Variants in NAV2 observed in about 807,000 individuals in gnomAD.
NAV2 encodes helicase, APC down-regulated 1.
Under a neutral mutation model 223.2 loss-of-function variants are expected in NAV2, and 54 were observed. That is an observed-to-expected ratio of 0.24 (90% CI 0.19 to 0.30). The LOEUF (loss-of-function observed/expected upper bound fraction) is 0.30. Among genes scored for constraint, NAV2 ranks in the 10% least tolerant of loss-of-function variants. NAV2 has a pLI of 1.00. For missense variants in NAV2, 2,806 were observed against 3,147.5 expected (o/e 0.89, Z 2.60); for synonymous variants, 1,279 against 1,239.3 (o/e 1.03, Z -0.67).
chr11:20,048,367 T>C (rs1041695167), intron 14 of NAV2, among the ~76,000 whole-genome samples: 1 of 152,188 alleles, frequency 6.6e-6, no homozygotes, highest in African/African-American at 2.4e-5. Context: ...AAGACAACCA[T>C]CTTCCTGGGC....
chr11:19,989,380 A>G (rs2051110336), intron 11 of NAV2, among the ~76,000 whole-genome samples: 1 of 152,168 alleles, frequency 6.6e-6, no homozygotes, highest in Non-Finnish European at 1.5e-5. Context: ...GGTGGCCTCT[A>G]TGTAGGGGAA....
At position 19,836,217 on chromosome 11, in the gene NAV2, G is replaced by A. The variant is rs571994514; in HGVS notation, c.385+3616G>A. Among the ~76,000 whole-genome samples the A allele has an allele frequency of 1.6e-3, 244 of 152,202 alleles. 2 individuals carry two copies. Among genetic ancestry groups the A allele is most frequent in the African/African-American group, 5.5e-3 (228 of 41,532 alleles). On this transcript the variant is annotated intron_variant, in intron 2 of 37. Transcript: ENST00000349880. Reference sequence around the variant, plus strand: ...TATGTCACACCTTTCTACTTTCTAGGGATCTACCACAGCTCTCAACTGTCA... The same window carrying A: ...TATGTCACACCTTTCTACTTTCTAGAGATCTACCACAGCTCTCAACTGTCA...
At chr11:19,543,969 T>C (rs896923018) in intron 1 of NAV2, among the ~76,000 whole-genome samples, 2 of 152,224 alleles carry the variant, frequency 1.3e-5, no homozygotes, top group Non-Finnish European at 2.9e-5. Flanking sequence ...AAATGTAAAC[T>C]ACTTATTTTG....
intron 1 of NAV2, among the ~76,000 whole-genome samples, chr11:19,397,180 G>T (rs1029440830): frequency 6.6e-6 from 1 of 152,212 alleles, no homozygotes; most frequent in African/African-American, 2.4e-5. Context: ...TAAAAAGAGG[G>T]AACTGATGTG....
intron 1 of NAV2, among the ~76,000 whole-genome samples, chr11:19,563,040 C>T (rs2045152835): frequency 6.7e-6 from 1 of 150,282 alleles, no homozygotes; most frequent in African/African-American, 2.5e-5. Context: ...ACATCTGGAC[C>T]TATCAGAAAG....
intron 1 of NAV2, among the ~76,000 whole-genome samples, chr11:19,546,643 C>A (rs2044507067): frequency 6.6e-6 from 1 of 152,156 alleles, no homozygotes; most frequent in Admixed American, 6.5e-5. Context: ...GGGGTGTTTT[C>A]TATTATTTAA....
intron 1 of NAV2, among the ~76,000 whole-genome samples, chr11:19,697,307 G>A (rs952273135): frequency 2.0e-5 from 3 of 152,136 alleles, no homozygotes; most frequent in Non-Finnish European, 4.4e-5. Context: ...GGCATGGGCT[G>A]AAGAAACACC....
At chr11:19,351,273 G>A (rs944027280) in intron 1 of NAV2, among the ~76,000 whole-genome samples, 1 of 152,198 alleles carries the variant, frequency 6.6e-6, no homozygotes, top group Non-Finnish European at 1.5e-5. Flanking sequence ...AGATTTATAA[G>A]CGTTAACTGA....
chr11:20,094,609 C>T (rs550691022), intron 29 of NAV2, among the ~76,000 whole-genome samples: 25 of 152,260 alleles, frequency 1.6e-4, no homozygotes, highest in African/African-American at 5.5e-4. Context: ...ACACATAGAG[C>T]ATACCTTTTA....
chr11:19,363,487 C>T (rs887926972), intron 1 of NAV2, among the ~76,000 whole-genome samples: 2 of 152,150 alleles, frequency 1.3e-5, no homozygotes, highest in African/African-American at 2.4e-5. Flanking sequence ...CCAGCTAATA[C>T]GTGATGAAAC....
intron 1 of NAV2, among the ~76,000 whole-genome samples, chr11:19,359,978 T>C (rs1226184546): frequency 1.3e-5 from 2 of 152,232 alleles, no homozygotes; most frequent in Non-Finnish European, 2.9e-5. Context: ...TCGTCTCTTT[T>C]AATATCACTG....
chr11:19,574,117 G>T (rs1308120692), intron 1 of NAV2, among the ~76,000 whole-genome samples: 1 of 152,186 alleles, frequency 6.6e-6, no homozygotes, highest in African/African-American at 2.4e-5. Context: ...CTTGAGTTCT[G>T]ATCCTGGCTT....
intron 1 of NAV2, among the ~76,000 whole-genome samples, chr11:19,674,313 C>A (rs535422319): frequency 2.6e-5 from 4 of 152,148 alleles, no homozygotes; most frequent in African/African-American, 4.8e-5. Context: ...ACAAGAGGGA[C>A]GGGAGGGCGC....
At chr11:19,736,785 G>A (rs2052343466) in intron 1 of NAV2, among the ~76,000 whole-genome samples, 1 of 152,140 alleles carries the variant, frequency 6.6e-6, no homozygotes, top group African/African-American at 2.4e-5. Context: ...GGCTACCTGT[G>A]GTGCTCATTT....
In NAV2 at chr11:19,471,945, A is replaced by G. The variant is rs561999066; in HGVS notation, c.75+120918A>G. On this transcript the variant is annotated intron_variant, in intron 1 of 37. Coordinates refer to the NAV2 transcript ENST00000360655. ...ACAGTTAGGCCTGCCAGAGTCCCCA[A>G]AACTTCAGATCTGTTGAAATAAGAA... 6.6e-5 allele frequency among the ~76,000 whole-genome samples: 10 copies of G among 152,244 alleles called. No individual in the cohort carries two copies. The East Asian group carries it at 7.7e-4, about 12-fold the overall frequency.
intron 1 of NAV2, among the ~76,000 whole-genome samples, chr11:19,653,996 C>T (rs1590041704): frequency 6.6e-6 from 1 of 152,160 alleles, no homozygotes; most frequent in East Asian, 1.9e-4. Flanking sequence ...AAAACCCCAT[C>T]ATCTCAGCCC....
At chr11:19,969,513 G>A (rs1487994313) in intron 10 of NAV2, among the ~76,000 whole-genome samples, 1 of 152,090 alleles carries the variant, frequency 6.6e-6, no homozygotes, top group African/African-American at 2.4e-5. Flanking sequence ...CTTTTCCATA[G>A]GAGATATATT....
intron 37 of NAV2, 116 bp downstream of exon 37, chr11:20,114,911 G>T: frequency 2.8e-6 from 3 of 1,067,872 alleles, no homozygotes; most frequent in South Asian, 1.6e-5. Context: ...GCTTTGGAAG[G>T]CTGGACCCAA....
intron 1 of NAV2, among the ~76,000 whole-genome samples, chr11:19,562,815 G>C (rs1054765995): frequency 6.6e-6 from 1 of 152,180 alleles, no homozygotes; most frequent in Non-Finnish European, 1.5e-5. Context: ...CTACAAGACA[G>C]GGTTGCTTCA....
Sources: allele counts gnomAD v4.1 joint callset (sites outside exome capture counted in the v4.1 genomes callset), GRCh38; gene constraint gnomAD v4.1.1; transcripts MANE v1.5; gene names NCBI Gene and HGNC (gene_info 2026-07-23, HGNC 2026-07-21).